The following DOCK9 variants were observed in gnomAD, a reference collection of about 807,000 sequenced individuals.
DOCK9 encodes dedicator of cytokinesis 9, also known as dedicator of cytokinesis protein 9.
DOCK9 carries 89 observed loss-of-function variants against 263.3 expected under a neutral mutation model. The ratio of observed to expected loss-of-function variants is 0.34; its 90% CI spans 0.28 to 0.40. The LOEUF is 0.40. Ranked by LOEUF, DOCK9 falls within the 10% of genes least tolerant of loss-of-function variation. The pLI, the probability that DOCK9 is intolerant of heterozygous loss-of-function variation, is 1.00. For missense variants in DOCK9, 2,140 were observed against 2,603.4 expected (o/e 0.82, Z 3.87); for synonymous variants, 976 against 973.1 (o/e 1.00, Z -0.06).
intron 1 of DOCK9, among the ~76,000 whole-genome samples, chr13:98,993,915 GA>G (rs1880403066): frequency 2.0e-5 from 3 of 152,048 alleles, no homozygotes; most frequent in East Asian, 1.9e-4. Context: ...ACTTCAAAGA[GA>G]AAAAAATATT....
At chr13:98,830,692 A>G (rs972805761) in intron 41 of DOCK9, among the ~76,000 whole-genome samples, 4 of 152,074 alleles carry the variant, frequency 2.6e-5, no homozygotes, top group African/African-American at 9.7e-5. Context: ...CTCTACAATA[A>G]CAGTGGTCAC....
At chr13:98,979,220 TAGTAGTAGTAGC>T (rs1268055775), upstream of DOCK9, among the ~76,000 whole-genome samples, 23 of 123,782 alleles carry the variant, frequency 1.9e-4, 2 homozygotes, top group African/African-American at 6.4e-4. Context: ...GTAGTAGTAG[TAGTAGTAGTAGC>T]AGCAGCGGCG....
intron 9 of DOCK9, among the ~76,000 whole-genome samples, chr13:98,907,365 A>G (rs189360745): frequency 2.6e-4 from 39 of 152,326 alleles, no homozygotes; most frequent in African/African-American, 9.4e-4. Flanking sequence ...TGCAATTCCT[A>G]GTGGCTTTCT....
At chr13:98,991,370 G>A (rs1047767205) in intron 1 of DOCK9, among the ~76,000 whole-genome samples, 4 of 152,070 alleles carry the variant, frequency 2.6e-5, no homozygotes, top group African/African-American at 7.2e-5. Flanking sequence ...GCACTCGGCC[G>A]CAAACAAGTA....
chr13:98,996,103 T>C (rs1039955945), intron 1 of DOCK9, among the ~76,000 whole-genome samples: 3 of 152,298 alleles, frequency 2.0e-5, no homozygotes, highest in East Asian at 3.9e-4. Flanking sequence ...AGATGGCATA[T>C]GGACATATAC....
At chr13:98,950,069 G>T in intron 2 of DOCK9, 1 of 456,438 alleles carries the variant, frequency 2.2e-6, no homozygotes, top group African/African-American at 2.0e-5. Context: ...CAACATTTTA[G>T]GCTCTTTGGG....
chr13:99,066,950 G>A (rs375548036), intron 1 of DOCK9, among the ~76,000 whole-genome samples: 8 of 152,114 alleles, frequency 5.3e-5, no homozygotes, highest in African/African-American at 1.7e-4. Flanking sequence ...TTAAACATCC[G>A]GTTTCTGAAT....
chr13:98,874,585 A>G (rs969532869), intron 27 of DOCK9, among the ~76,000 whole-genome samples: 3 of 152,120 alleles, frequency 2.0e-5, no homozygotes, highest in Non-Finnish European at 4.4e-5. Context: ...CTCCATCCTC[A>G]TCCTCAATCC....
chr13:98,975,836 A>T (rs2060220789), intron 1 of DOCK9, among the ~76,000 whole-genome samples: 1 of 152,190 alleles, frequency 6.6e-6, no homozygotes, highest in Non-Finnish European at 1.5e-5. Context: ...AGTCTTGGGG[A>T]TTCTTACCAA....
chr13:98,853,901 C>A (rs1412142924), intron 34 of DOCK9, among the ~76,000 whole-genome samples: 1 of 152,212 alleles, frequency 6.6e-6, no homozygotes, highest in African/African-American at 2.4e-5. Context: ...TCAGAAGACA[C>A]TGCACAACCA....
chr13:98,846,543 C>A (rs370138871), intron 37 of DOCK9: 17 of 1,352,038 alleles, frequency 1.3e-5, no homozygotes, highest in African/African-American at 1.2e-4. Flanking sequence ...AGAAGAGCCA[C>A]ACACTTTGTT....
At chr13:98,983,775 G>C (rs142386223) in intron 1 of DOCK9, among the ~76,000 whole-genome samples, 2,062 of 151,810 alleles carry the variant, frequency 0.014, 37 homozygotes, top group South Asian at 0.065. Context: ...CACCACCACG[G>C]GTGGGTAATT....
rs531416697 is a variant in DOCK9, at chr13:98,911,246, G to A, written c.960+3082C>T. On this transcript the variant is annotated intron_variant, in intron 9 of 52. Coordinates refer to ENST00000682017, the MANE Select transcript of DOCK9 (RefSeq NM_001366683.2). ...TTTGTAAAACACCTGAAAGCCAGGGGGAAAGAGTAAAAGCCTCTAACAAGG... is the reference window on the plus strand; with the variant it reads ...TTTGTAAAACACCTGAAAGCCAGGGAGAAAGAGTAAAAGCCTCTAACAAGG... 1.7e-4 allele frequency among the ~76,000 whole-genome samples: 26 copies of A among 152,238 alleles called. No homozygotes were observed. In the South Asian group the frequency reaches 5.4e-3, roughly 32 times the overall value.
At position 98,796,757 on chromosome 13, in the gene DOCK9, AGGAT is replaced by A. The variant is rs1271309586; in HGVS notation, c.6156+354_6156+357del. Among the ~76,000 whole-genome samples, 6 of 152,320 alleles carry A rather than the reference AGGAT, an allele frequency of 3.9e-5. No homozygotes were observed. The East Asian group carries it at 1.2e-3, about 29-fold the overall frequency. On this transcript the variant is annotated intron_variant, in intron 52 of 52. Transcript: ENST00000682017. ...GGTTGGCAAGTCCTGCTTTTTTCAA[AGGAT>A]TAAAGGAATAAAGTTGTCAGAACAG...
At chr13:99,086,637 C>A, upstream of DOCK9, 1 of 146,858 alleles carries the variant, frequency 6.8e-6, no homozygotes, top group Non-Finnish European at 1.5e-5. Context: ...CGGCGGCTCC[C>A]CCATGCCACC....
chr13:98,902,701 G>A (rs7328282), intron 11 of DOCK9, among the ~76,000 whole-genome samples: 87,296 of 152,118 alleles, frequency 0.57, 25,348 homozygotes, highest in Middle Eastern at 0.61. Flanking sequence ...GTTTTGCTAC[G>A]TAATGTATGT....
chr13:99,025,791 C>T (rs1886637521), intron 1 of DOCK9, among the ~76,000 whole-genome samples: 1 of 152,264 alleles, frequency 6.6e-6, no homozygotes, highest in Admixed American at 6.5e-5. Flanking sequence ...TTGGAAACAA[C>T]ACAAATGTCC....
intron 1 of DOCK9, among the ~76,000 whole-genome samples, chr13:99,019,876 A>G (rs9513530): frequency 0.52 from 79,364 of 151,878 alleles, 21,034 homozygotes; most frequent in South Asian, 0.68. Flanking sequence ...CGAGGCGGGC[A>G]GATCACCTGA....
rs2092668689 is a variant in DOCK9 at position 98,829,278 on chromosome 13, C to T, written c.4965+29G>A. The T allele has an allele frequency of 6.3e-7, 1 of 1,581,226 alleles. No homozygotes were observed. Among genetic ancestry groups the T allele is most frequent in the Admixed American group, 1.8e-5 (1 of 55,898 alleles). ...GGGGCCTCACTGGTTTTTTCAAAAA[C>T]CCATTCAAGCGGCTGGCAGGGCTAC... is the stretch of plus-strand genomic sequence containing the variant. On this transcript the variant is annotated intron_variant, in intron 43 of 52. Transcript: ENST00000682017. This position sits in a 1 kb window ranked among gnomAD's most constrained non-coding sequence, Gnocchi z 4.1.
Sources: allele counts gnomAD v4.1 joint callset (sites outside exome capture counted in the v4.1 genomes callset), GRCh38; gene constraint gnomAD v4.1.1; non-coding constraint Gnocchi (gnomAD v3.1); transcripts MANE v1.5; gene names NCBI Gene and HGNC (gene_info 2026-07-23, HGNC 2026-07-21).